Variants in DIPK2B observed in about 807,000 individuals in gnomAD.
DIPK2B encodes the protein divergent protein kinase domain 2B.
A neutral mutation model predicts 22.2 loss-of-function variants in DIPK2B; 15 were observed. The observed-to-expected ratio is 0.68, with a 90% CI of 0.45 to 1.04. DIPK2B has a LOEUF of 1.04. Ranked by LOEUF, DIPK2B falls within the 50% of genes least tolerant of loss-of-function variation. The pLI is 0.00. For missense variants in DIPK2B, 345 were observed against 348.3 expected, an observed-to-expected ratio of 0.99 and a Z score of 0.08; for synonymous variants, 163 against 153.2, an observed-to-expected ratio of 1.06 and a Z score of -0.47.
Position 45,191,784 on chromosome X carries a change from C to T in DIPK2B, c.465G>A (p.Leu155=), listed in dbSNP as rs768410054. The part of the protein sequence containing the change: ...LRKTERFQKW[L]QAKRLTPDLV... ...GGTCCGGCGTGAGGCGCTTGGCCTG[C>T]AGCCATTTCTGGAACCTCTCTGTTT... Residue 155 remains leucine, a synonymous_variant, in exon 2 of 5, where the codon CTG becomes CTA. Coordinates refer to ENST00000398000, the MANE Select transcript of DIPK2B (RefSeq NM_176819.4). 31 of 1,210,301 alleles carry T rather than the reference C, an allele frequency of 2.6e-5. No individual in the cohort carries two copies. In the South Asian group the frequency reaches 5.5e-4, roughly 21 times the overall value.
chrX:45,195,157 A>G (rs989467098), intron 1 of DIPK2B, among the ~76,000 whole-genome samples: 2 of 112,613 alleles, frequency 1.8e-5, no homozygotes, highest in East Asian at 5.5e-4. Flanking sequence ...TAAATAGAAG[A>G]ATGTCAGTGA....
intron 2 of DIPK2B, among the ~76,000 whole-genome samples, chrX:45,190,491 C>T (rs1378868145): frequency 9.0e-6 from 1 of 111,272 alleles, no homozygotes; most frequent in African/African-American, 3.3e-5. Flanking sequence ...AACTATAATG[C>T]CGGGTGGTGA....
At chrX:45,183,573 T>C (rs1222107416) in intron 2 of DIPK2B, 1 of 112,230 alleles carries the variant, frequency 8.9e-6, no homozygotes, top group Non-Finnish European at 1.9e-5. Flanking sequence ...GATGGGGAAA[T>C]GATGATCTTA....
intron 3 of DIPK2B, 138 bp downstream of exon 3, chrX:45,157,577 A>G: frequency 1.6e-6 from 1 of 632,244 alleles, no homozygotes; most frequent in Non-Finnish European, 2.4e-6. Context: ...GCAGAAGCCA[A>G]CACATGCCAG....
chrX:45,168,319 A>G (rs2047060421), intron 2 of DIPK2B, among the ~76,000 whole-genome samples: 2 of 112,612 alleles, frequency 1.8e-5, no homozygotes, highest in African/African-American at 6.5e-5. Context: ...GGAATGAGCT[A>G]AGAGTGGGCA....
intron 2 of DIPK2B, chrX:45,183,350 T>C (rs2047165046): frequency 9.0e-6 from 1 of 111,536 alleles, no homozygotes. Flanking sequence ...TCTGAGTGAG[T>C]TCCCCAGCCT....
chrX:45,177,025 T>A (rs1014221019), intron 2 of DIPK2B, among the ~76,000 whole-genome samples: 5 of 111,431 alleles, frequency 4.5e-5, no homozygotes, highest in Non-Finnish European at 9.4e-5. Context: ...TGAAATGTGA[T>A]CCCTGCCAGG....
At chrX:45,164,179 G>A (rs759478354) in intron 2 of DIPK2B, 2 of 1,193,986 alleles carry the variant, frequency 1.7e-6, no homozygotes, top group South Asian at 3.7e-5. Context: ...TGGGCTCCAT[G>A]CCAGGCTTTT....
chrX:45,195,697 CTGCCTGCTGCATTGCCTGCTGCAT>C lies in DIPK2B; in HGVS notation c.234-3706_234-3683del, dbSNP rs200507478. 2.2e-4 allele frequency among the ~76,000 whole-genome samples: 24 copies of C among 111,517 alleles called. No homozygotes were observed. In the South Asian group the frequency reaches 4.1e-3, roughly 19 times the overall value. The stretch of plus-strand genomic sequence containing the variant: ...AGCTTAGAGCTTGGTTCACAATGCT[CTGCCTGCTGCATTGCCTGCTGCAT>C]TGCCTGCTGCATTGCCTGCTGCTCT... On this transcript the variant is annotated intron_variant, in intron 1 of 4. Transcript: ENST00000398000.
chrX:45,200,636 A>G lies in DIPK2B; in HGVS notation c.191T>C (p.Ile64Thr). The change falls in exon 1 of 5, where the codon ATC becomes ACC. Residue 64 changes from isoleucine (I) to threonine (T), a missense_variant. Transcript: ENST00000398000. ...FLGLDKCNAC[I>T]GTSICKKFFK... ...GAACTTCTTGCAAATAGATGTCCCGATGCAGGCATTGCATTTATCAAGACC... is the reference window on the plus strand; with the variant it reads ...GAACTTCTTGCAAATAGATGTCCCGGTGCAGGCATTGCATTTATCAAGACC... 8.2e-7 allele frequency: 1 copy of G among 1,212,428 alleles called. No individual in the cohort carries two copies. The highest frequency in any genetic ancestry group is 1.1e-6 in the Non-Finnish European group (1 of 895,594).
At chrX:45,187,957 G>A (rs2047192773) in intron 2 of DIPK2B, among the ~76,000 whole-genome samples, 1 of 111,051 alleles carries the variant, frequency 9.0e-6, no homozygotes, top group South Asian at 3.8e-4. Context: ...GGCTCTTGAG[G>A]AAATCAGAGA....
chrX:45,185,464 A>G (rs1049952748), intron 2 of DIPK2B, among the ~76,000 whole-genome samples: 1 of 110,625 alleles, frequency 9.0e-6, no homozygotes, highest in African/African-American at 3.3e-5. Flanking sequence ...ATGATTATTC[A>G]GGCTTCGGTT....
At chrX:45,175,863 G>A (rs937107660) in intron 2 of DIPK2B, among the ~76,000 whole-genome samples, 2 of 107,194 alleles carry the variant, frequency 1.9e-5, no homozygotes, top group Admixed American at 1.0e-4. Context: ...GTAGCAGGTG[G>A]CCAGGTTAAG....
chrX:45,163,702 C>T lies in DIPK2B; in HGVS notation c.499-5814G>A, dbSNP rs372969094. On this transcript the variant is annotated intron_variant, in intron 2 of 4. Coordinates refer to ENST00000398000, the MANE Select transcript of DIPK2B (RefSeq NM_176819.4). ...GTAAAAGAGGTATGCTTTTTTTTCC[C>T]TCTAGAAGCCAGAGATAAGAGAGTT... 1.6e-5 allele frequency: 12 copies of T among 753,595 alleles called. No homozygotes were observed. In the East Asian group the frequency reaches 6.1e-4, roughly 38 times the overall value. 62.1% of individuals were successfully genotyped at this position (753,595 alleles called of 1,213,427 possible). A position where few individuals can be genotyped will look rare whatever the true frequency, so the allele number is the denominator to read the frequency against.
At chrX:45,178,335 G>A (rs1028522092) in intron 2 of DIPK2B, among the ~76,000 whole-genome samples, 1 of 112,160 alleles carries the variant, frequency 8.9e-6, no homozygotes, top group Non-Finnish European at 1.9e-5. Flanking sequence ...TGTGCATGCA[G>A]TAGCATTTTT....
chrX:45,156,397 C>A (rs1472649854), intron 3 of DIPK2B, among the ~76,000 whole-genome samples: 1 of 112,168 alleles, frequency 8.9e-6, no homozygotes, highest in African/African-American at 3.2e-5. Context: ...GAGCCCAGGG[C>A]TGAGTCCCAG....
chrX:45,158,780 A>T (rs897822931), intron 2 of DIPK2B, among the ~76,000 whole-genome samples: 1 of 112,253 alleles, frequency 8.9e-6, no homozygotes, highest in African/African-American at 3.2e-5. Flanking sequence ...TGAGGAGGAC[A>T]CTAAGAGATC....
chrX:45,191,814 C>T lies in DIPK2B; in HGVS notation c.435G>A (p.Leu145=). ...APKTCSIERV[L]RKTERFQKWL... ...ATTTCTGGAACCTCTCTGTTTTCCG[C>T]AGGACACGCTCAATGCTGCAGGTCT... Residue 145 remains leucine (L), a synonymous_variant, in exon 2 of 5, where the codon CTG becomes CTA. Transcript: ENST00000398000. 2.5e-6 allele frequency: 3 copies of T among 1,212,094 alleles called. No individual in the cohort carries two copies. The highest frequency in any genetic ancestry group is 3.3e-6 in the Non-Finnish European group (3 of 895,552).
intron 2 of DIPK2B, chrX:45,162,513 C>T: frequency 1.3e-6 from 1 of 754,272 alleles, no homozygotes; most frequent in African/African-American, 2.3e-5. Context: ...TTCTGTTTGG[C>T]ATGTGCTGGC....
Sources: allele counts gnomAD v4.1 joint callset (sites outside exome capture counted in the v4.1 genomes callset), GRCh38; gene constraint gnomAD v4.1.1; transcripts MANE v1.5; gene names NCBI Gene and HGNC (gene_info 2026-07-23, HGNC 2026-07-21).